LCMT1: variants seen among roughly 807,000 people sequenced by gnomAD.
LCMT1 encodes leucine carboxyl methyltransferase 1.
Under a neutral mutation model 47.7 loss-of-function variants are expected in LCMT1, and 32 were observed. That is an observed-to-expected ratio of 0.67 (90% CI 0.51 to 0.90). The LOEUF is 0.90. Ranked by LOEUF, LCMT1 falls within the 40% of genes least tolerant of loss-of-function variation. The pLI, the probability that LCMT1 is intolerant of heterozygous loss-of-function variation, is 0.00. For synonymous variants in LCMT1, 152 were observed against 149.7 expected, an observed-to-expected ratio of 1.02 and a Z score of -0.11; for missense variants, 375 against 415.2, an observed-to-expected ratio of 0.90 and a Z score of 0.84.
chr16:25,140,552 GAGACAGCAGAGGCACAAGGA>G, intron 4 of LCMT1: 1 of 349,620 alleles, frequency 2.9e-6, no homozygotes, highest in Non-Finnish European at 5.3e-6. Context: ...AAGTACTAGG[GAGACAGCAGAGGCACAAGGA>G]CTGTCTTGTT....
chr16:25,172,744 A>C (rs539038784), intron 9 of LCMT1, among the ~76,000 whole-genome samples: 1 of 152,256 alleles, frequency 6.6e-6, no homozygotes, highest in Non-Finnish European at 1.5e-5. Context: ...TGCTGTCTCC[A>C]CGTGATCAGG....
chr16:25,173,064 G>C (rs1275287954), intron 9 of LCMT1, among the ~76,000 whole-genome samples: 1 of 152,236 alleles, frequency 6.6e-6, no homozygotes, highest in African/African-American at 2.4e-5. Flanking sequence ...AGCCTTTCCA[G>C]CTCTGTGAAT....
At chr16:25,175,132 T>G in intron 10 of LCMT1, 98 bp downstream of exon 10, 1 of 671,784 alleles carries the variant, frequency 1.5e-6, no homozygotes, top group Non-Finnish European at 2.6e-6. Flanking sequence ...CTTCCCTCTT[T>G]CTCTCTCTGT....
At chr16:25,117,080 G>A (rs1257338997) in intron 1 of LCMT1, among the ~76,000 whole-genome samples, 1 of 152,100 alleles carries the variant, frequency 6.6e-6, no homozygotes, top group Admixed American at 6.5e-5. Context: ...CAAGGAGTAT[G>A]GGTTTTATCC....
intron 5 of LCMT1, among the ~76,000 whole-genome samples, chr16:25,155,709 T>C (rs1286776761): frequency 1.3e-5 from 2 of 150,612 alleles, no homozygotes; most frequent in Non-Finnish European, 3.0e-5. Context: ...GGTCTCACTC[T>C]GTTGTTGCTC....
At position 25,111,957 on chromosome 16, in the gene LCMT1, G is replaced by C. The variant is rs778004148; in HGVS notation, c.74G>C (p.Gly25Ala). ...STSSCDADDEGVRGTCEDASL... is the reference protein window; with the variant it reads ...STSSCDADDEAVRGTCEDASL... ...TCGAGCTGCGACGCAGACGACGAGG[G>C]CGTGCGCGGCACCTGCGAAGATGCT... is the stretch of plus-strand genomic sequence containing the variant. The change falls in exon 1 of 11, where the codon GGC becomes GCC. Residue 25 changes from glycine (G) to alanine (A), a missense_variant. Physicochemically the swap from Gly to Ala is moderately conservative, Grantham distance 60. Transcript: ENST00000399069. 9.3e-6 allele frequency: 15 copies of C among 1,613,528 alleles called. No individual in the cohort carries two copies.
intron 5 of LCMT1, among the ~76,000 whole-genome samples, chr16:25,152,357 G>T (rs992618071): frequency 6.6e-6 from 1 of 152,186 alleles, no homozygotes; most frequent in Admixed American, 6.5e-5. Context: ...ACGTGGCCAA[G>T]AACTCAGTTT....
At chr16:25,166,262 G>C in intron 7 of LCMT1, among the ~76,000 whole-genome samples, 1 of 132,816 alleles carries the variant, frequency 7.5e-6, no homozygotes, top group Non-Finnish European at 1.6e-5. Context: ...CGAGCGAGAC[G>C]CCATCTCAAA....
At position 25,132,530 on chromosome 16, in the gene LCMT1, T is replaced by C; in HGVS notation, c.327+7T>C. On this transcript the variant is annotated splice_region_variant and intron_variant, in intron 3 of 10. Coordinates refer to ENST00000399069, the MANE Select transcript of LCMT1 (RefSeq NM_016309.3). ...CACCTTCTGGAGATTAAAGGTATGT[T>C]CAAATTCCCCTCCTCCCTCCCCAAG... 1 of 1,612,966 alleles carries C rather than the reference T, an allele frequency of 6.2e-7. No homozygotes were observed. The highest frequency in any genetic ancestry group is 1.7e-5 in the Admixed American group (1 of 59,820).
rs59940814 is a variant in LCMT1 at position 25,113,140 on chromosome 16, C to CAAA, written c.113+1162_113+1164dup. Among the ~76,000 whole-genome samples the CAAA allele has an allele frequency of 5.0e-3, 540 of 108,602 alleles. 10 individuals are homozygous for CAAA. The highest frequency in any genetic ancestry group is 0.016 in the African/African-American group (444 of 27,578). 71.2% of individuals were successfully genotyped at this position (108,602 alleles called of 152,430 possible). A position where few individuals can be genotyped will look rare whatever the true frequency, so the allele number is the denominator to read the frequency against. On this transcript the variant is annotated intron_variant, in intron 1 of 10. Transcript: ENST00000399069. ...TGGATGAGAGTGCGAGACTATGTCT[C>CAAA]AAAAAAAAAAAAAAAAAAAAGTGAG...
chr16:25,164,507 A>AGTT, intron 6 of LCMT1, 91 bp from the exon 7 acceptor site: 1 of 1,513,586 alleles, frequency 6.6e-7, no homozygotes, highest in Non-Finnish European at 9.1e-7. Flanking sequence ...TGGGGCATGG[A>AGTT]CCGCCCCACC....
chr16:25,161,188 T>G lies in LCMT1; in HGVS notation c.553T>G (p.Cys185Gly). ...LSELEEKLKK[C>G]NMNTQLPTLL... ...TGAACTGGAAGAGAAGCTAAAGAAA[T>G]GTAACATGAATACACAGTGAGATTT... Residue 185 changes from cysteine (C) to glycine (G), a missense_variant, in exon 6 of 11, where the codon TGT becomes GGT. Transcript: ENST00000399069. 1.9e-6 allele frequency: 3 copies of G among 1,602,306 alleles called. No homozygotes were observed. Among genetic ancestry groups the G allele is most frequent in the Non-Finnish European group, 2.6e-6 (3 of 1,173,748 alleles).
chr16:25,153,162 C>T (rs939841918), intron 5 of LCMT1, among the ~76,000 whole-genome samples: 1 of 152,234 alleles, frequency 6.6e-6, no homozygotes, highest in Non-Finnish European at 1.5e-5. Flanking sequence ...CTTCCAACCT[C>T]TACCCATTAC....
Position 25,111,849 on chromosome 16 carries a change from C to T in LCMT1, c.-35C>T, listed in dbSNP as rs1227496924. ...CGCCCGTCGACCCCGCTTCCATGTC[C>T]CTGGCGGACACAGCTCCCAGGAACC... is the stretch of plus-strand genomic sequence containing the variant. On this transcript the variant is annotated 5_prime_UTR_variant, in exon 1 of 11. Transcript: ENST00000399069. The T allele has an allele frequency of 2.0e-6, 3 of 1,467,058 alleles. No individual in the cohort carries two copies. Among genetic ancestry groups the T allele is most frequent in the Non-Finnish European group, 1.9e-6 (2 of 1,053,730 alleles). 90.9% of individuals were successfully genotyped at this position (1,467,058 alleles called of 1,614,324 possible). A position where few individuals can be genotyped will look rare whatever the true frequency, so the allele number is the denominator to read the frequency against.
chr16:25,156,923 G>C (rs1416390576), intron 5 of LCMT1, among the ~76,000 whole-genome samples: 3 of 151,262 alleles, frequency 2.0e-5, no homozygotes, highest in African/African-American at 7.3e-5. Flanking sequence ...ATCTGCCTGA[G>C]GCTGTCTCCA....
chr16:25,148,172 T>C (rs1332294778), intron 4 of LCMT1: 1 of 152,310 alleles, frequency 6.6e-6, no homozygotes, highest in African/African-American at 2.4e-5. Context: ...CAAAACCGAG[T>C]GCCAGCTTGG....
intron 4 of LCMT1, 40 bp from the exon 5 acceptor site, chr16:25,151,514 A>T: frequency 6.5e-7 from 1 of 1,531,118 alleles, no homozygotes; most frequent in Non-Finnish European, 9.0e-7. Context: ...ATTGAGGAGC[A>T]AATAGACTCA....
chr16:25,175,472 A>G (rs1961903071), intron 10 of LCMT1, among the ~76,000 whole-genome samples: 2 of 151,072 alleles, frequency 1.3e-5, no homozygotes. Context: ...AAAAATACAA[A>G]AAAAAAAAAA....
intron 1 of LCMT1, among the ~76,000 whole-genome samples, chr16:25,125,306 C>T (rs954472987): frequency 1.3e-5 from 2 of 152,196 alleles, no homozygotes; most frequent in African/African-American, 2.4e-5. Context: ...GGTTTGTTCA[C>T]CTGATACTAT....
Sources: allele counts gnomAD v4.1 joint callset (sites outside exome capture counted in the v4.1 genomes callset), GRCh38; gene constraint gnomAD v4.1.1; transcripts MANE v1.5; gene names NCBI Gene and HGNC (gene_info 2026-07-23, HGNC 2026-07-21).